The following FOXP1 variants were observed in gnomAD, a reference collection of about 807,000 sequenced individuals.
FOXP1 encodes the protein forkhead box P1.
A neutral mutation model predicts 98.2 loss-of-function variants in FOXP1; 15 were observed. That is an observed-to-expected ratio of 0.15 (90% CI 0.10 to 0.24). FOXP1 has a LOEUF of 0.24. Among genes scored for constraint, FOXP1 ranks in the 10% least tolerant of loss-of-function variants. The pLI, the probability that FOXP1 is intolerant of heterozygous loss-of-function variation, is 1.00. For missense variants in FOXP1, 633 were observed against 848.5 expected (o/e 0.75, Z 3.15); for synonymous variants, 371 against 314.5 (o/e 1.18, Z -1.90).
chr3:71,408,792 C>G (rs1224718890), intron 3 of FOXP1, among the ~76,000 whole-genome samples: 1 of 152,106 alleles, frequency 6.6e-6, no homozygotes, highest in Non-Finnish European at 1.5e-5. Context: ...GCATAAAGAT[C>G]CCGGTTTCTA....
chr3:71,259,731 T>G (rs958560541), intron 5 of FOXP1, among the ~76,000 whole-genome samples: 3 of 152,192 alleles, frequency 2.0e-5, no homozygotes, highest in African/African-American at 7.2e-5. Context: ...TAACTATCCA[T>G]ATTAAGAGGA....
chr3:71,445,823 G>C (rs1038140178), intron 3 of FOXP1, among the ~76,000 whole-genome samples: 3 of 151,608 alleles, frequency 2.0e-5, no homozygotes, highest in South Asian at 2.1e-4. Flanking sequence ...AAGTAGCTGC[G>C]GATTACAGGC....
intron 12 of FOXP1, among the ~76,000 whole-genome samples, chr3:71,001,961 G>C (rs1263518382): frequency 6.6e-6 from 1 of 152,136 alleles, no homozygotes; most frequent in Admixed American, 6.5e-5. Context: ...ATGATATTTA[G>C]GCCACATTAC....
At chr3:71,042,957 A>G (rs1195114160) in intron 10 of FOXP1, among the ~76,000 whole-genome samples, 1 of 152,170 alleles carries the variant, frequency 6.6e-6, no homozygotes, top group East Asian at 1.9e-4. Context: ...AGAGAATCCG[A>G]GTGGTTAAGA....
intron 6 of FOXP1, chr3:71,197,959 A>G: frequency 1.9e-6 from 3 of 1,614,210 alleles, no homozygotes; most frequent in Non-Finnish European, 2.5e-6. Context: ...CGTCTCAGCA[A>G]CTGCTCCCCA....
At chr3:71,006,295 C>T (rs900043272) in intron 12 of FOXP1, among the ~76,000 whole-genome samples, 17 of 152,078 alleles carry the variant, frequency 1.1e-4, no homozygotes, top group Non-Finnish European at 7.4e-5. Flanking sequence ...ATACTTCACT[C>T]AAGAGTCAGA....
intron 11 of FOXP1, among the ~76,000 whole-genome samples, chr3:71,035,421 T>C (rs1382922354): frequency 6.6e-6 from 1 of 152,214 alleles, no homozygotes; most frequent in Non-Finnish European, 1.5e-5. Flanking sequence ...TCGTAGCCTA[T>C]ATGGTTTCTG....
chr3:71,466,700 G>A (rs755502960), intron 3 of FOXP1, among the ~76,000 whole-genome samples: 4 of 152,170 alleles, frequency 2.6e-5, no homozygotes, highest in Non-Finnish European at 4.4e-5. Flanking sequence ...GCAGGGACGT[G>A]AGCCCCACCC....
intron 3 of FOXP1, among the ~76,000 whole-genome samples, chr3:71,452,045 T>G (rs1227265762): frequency 6.6e-6 from 1 of 152,148 alleles, no homozygotes; most frequent in Non-Finnish European, 1.5e-5. Context: ...GCCCCACACT[T>G]CTCTGTGACA....
In FOXP1 at chr3:71,345,395, TATACACACAC is replaced by T. The variant is rs1380821245; in HGVS notation, c.-73+13745_-73+13754del. Among the ~76,000 whole-genome samples the T allele has an allele frequency of 1.5e-3, 76 of 50,380 alleles. 1 individual carries two copies. Among genetic ancestry groups the T allele is most frequent in the East Asian group, 3.7e-3 (3 of 820 alleles). The allele number at this position is 50,380 out of a possible 152,430, so 33.1% of individuals were successfully genotyped here. On this transcript the variant is annotated intron_variant, in intron 4 of 20. Transcript: ENST00000649528. ...AGAGAGAGAATCTGTCTCAAATATA[TATACACACAC>T]ACACACACACACACACACACACACA...
At chr3:71,096,047 C>A (rs1367402209) in intron 7 of FOXP1, among the ~76,000 whole-genome samples, 2 of 152,156 alleles carry the variant, frequency 1.3e-5, no homozygotes, top group Admixed American at 1.3e-4. Context: ...AATGCTACAT[C>A]CTGCATAAAT....
At chr3:71,030,367 C>T (rs2046700924) in intron 11 of FOXP1, among the ~76,000 whole-genome samples, 1 of 152,210 alleles carries the variant, frequency 6.6e-6, no homozygotes, top group African/African-American at 2.4e-5. Context: ...TCTTCCCTTT[C>T]TTATTCACGT....
intron 3 of FOXP1, among the ~76,000 whole-genome samples, chr3:71,378,339 G>C (rs140017431): frequency 1.4e-3 from 207 of 152,176 alleles, no homozygotes; most frequent in Non-Finnish European, 1.7e-3. Context: ...AGTAGGGTCT[G>C]CTGTTATCCA....
intron 6 of FOXP1, among the ~76,000 whole-genome samples, chr3:71,128,429 T>C (rs1008137388): frequency 6.6e-6 from 1 of 152,026 alleles, no homozygotes; most frequent in African/African-American, 2.4e-5. Context: ...ATGGGTTACA[T>C]AATATTAAAG....
At chr3:71,074,020 T>C (rs1275787819) in intron 7 of FOXP1, among the ~76,000 whole-genome samples, 1 of 152,174 alleles carries the variant, frequency 6.6e-6, no homozygotes, top group Admixed American at 6.5e-5. Flanking sequence ...ACTGTGACCC[T>C]GGCACAGGAT....
intron 3 of FOXP1, among the ~76,000 whole-genome samples, chr3:71,453,172 G>T (rs1217527230): frequency 2.0e-5 from 3 of 152,020 alleles, no homozygotes; most frequent in Non-Finnish European, 4.4e-5. Context: ...GGTGATGTTT[G>T]GGCCAGTATC....
At chr3:71,464,684 G>T (rs973376604) in intron 3 of FOXP1, among the ~76,000 whole-genome samples, 1 of 152,180 alleles carries the variant, frequency 6.6e-6, no homozygotes, top group Non-Finnish European at 1.5e-5. Flanking sequence ...TCACCCCCAA[G>T]GTGAGGGGAT....
chr3:71,013,097 C>T (rs1274166978), intron 12 of FOXP1, among the ~76,000 whole-genome samples: 1 of 152,094 alleles, frequency 6.6e-6, no homozygotes, highest in Non-Finnish European at 1.5e-5. Flanking sequence ...TTCACTTCAG[C>T]TATGAGATTA....
rs373874281 is a variant in FOXP1 at position 71,423,291 on chromosome 3, G to A, written c.-167-64047C>T. Reference sequence around the variant, plus strand: ...ATTGTGGCAACTTGCCAAGCGCATCGCAGAGCAAGACCAAGCGTGCATCCA... The same window carrying A: ...ATTGTGGCAACTTGCCAAGCGCATCACAGAGCAAGACCAAGCGTGCATCCA... On this transcript the variant is annotated intron_variant, in intron 3 of 20. Transcript: ENST00000649528. Among the ~76,000 whole-genome samples, 68 of 152,298 alleles carry A rather than the reference G, an allele frequency of 4.5e-4. No homozygotes were observed. The South Asian group carries it at 9.3e-3, about 21-fold the overall frequency.
Sources: gnomAD v4.1 joint callset for allele counts (sites outside exome capture counted in the v4.1 genomes callset) on GRCh38, gnomAD v4.1.1 for gene constraint, MANE v1.5 for transcripts, NCBI Gene and HGNC (gene_info 2026-07-23, HGNC 2026-07-21) for gene names.